UNC13C: variants seen among roughly 807,000 people sequenced by gnomAD.
The protein encoded by UNC13C is protein unc-13 homolog C.
Under a neutral mutation model 245.4 loss-of-function variants are expected in UNC13C, and 174 were observed. That is an observed-to-expected ratio of 0.71 (90% CI 0.63 to 0.80). The LOEUF (loss-of-function observed/expected upper bound fraction) is 0.80. Among genes scored for constraint, UNC13C ranks in the 30% least tolerant of loss-of-function variants. The probability of loss-of-function intolerance (pLI) is 0.00; values close to 1 mark genes in which losing one functional copy is unlikely to be tolerated. For missense variants in UNC13C, 2,829 were observed against 2,602.9 expected, an observed-to-expected ratio of 1.09 and a Z score of -1.89; for synonymous variants, 992 against 895.1, an observed-to-expected ratio of 1.11 and a Z score of -1.93.
chr15:54,036,560 C>T (rs17664583), intron 2 of UNC13C, among the ~76,000 whole-genome samples: 6,472 of 152,268 alleles, frequency 0.043, 266 homozygotes, highest in East Asian at 0.17. Context: ...ATTCACTCAG[C>T]TTTGATTTCC....
chr15:54,432,621 G>A (rs1044172139), intron 19 of UNC13C, among the ~76,000 whole-genome samples: 3 of 152,056 alleles, frequency 2.0e-5, no homozygotes, highest in African/African-American at 7.2e-5. Flanking sequence ...GAAATTTATA[G>A]CACTAAATGC....
intron 17 of UNC13C, among the ~76,000 whole-genome samples, chr15:54,384,233 G>A (rs746345581): frequency 5.9e-5 from 9 of 152,024 alleles, no homozygotes; most frequent in Non-Finnish European, 1.2e-4. Context: ...AAACCCGGAG[G>A]CATCATGCTA....
At chr15:53,887,049 GA>G in the UNC13C span, among the ~76,000 whole-genome samples, 1 of 152,166 alleles carries the variant, frequency 6.6e-6, no homozygotes, top group Non-Finnish European at 1.5e-5. Flanking sequence ...TCCTGGAACA[GA>G]AAAAGGACAC....
chr15:54,505,650 T>A (rs57405469), intron 22 of UNC13C, among the ~76,000 whole-genome samples: 5,178 of 114,090 alleles, frequency 0.045, 176 homozygotes, highest in Admixed American at 0.14. Flanking sequence ...CTTTGCACAC[T>A]CTCATTCAAG....
chr15:54,071,906 A>G (rs1472966685), intron 2 of UNC13C, among the ~76,000 whole-genome samples: 1 of 152,020 alleles, frequency 6.6e-6, no homozygotes, highest in Non-Finnish European at 1.5e-5. Context: ...GCTGGTCACG[A>G]TGTCTCTTGA....
the UNC13C span, among the ~76,000 whole-genome samples, chr15:53,946,442 C>CTTTTTT: frequency 2.9e-5 from 2 of 68,950 alleles, no homozygotes; most frequent in Non-Finnish European, 3.2e-5. Context: ...CTGAGGTGTT[C>CTTTTTT]TTTTTTTTGT....
intron 16 of UNC13C, among the ~76,000 whole-genome samples, chr15:54,334,736 C>T (rs1012174484): frequency 2.0e-5 from 3 of 152,118 alleles, no homozygotes; most frequent in Non-Finnish European, 2.9e-5. Flanking sequence ...TTCTAATCTA[C>T]TGTCAGTAGC....
intron 7 of UNC13C, among the ~76,000 whole-genome samples, chr15:54,248,123 A>G (rs191180297): frequency 0.011 from 1,714 of 152,344 alleles, 14 homozygotes; most frequent in Non-Finnish European, 0.02. Flanking sequence ...TATGTAAGGT[A>G]CATTACTTAC....
chr15:54,038,124 A>AAATTTTTTTTTTTTTTTTTTTTTTT (rs1555406259), intron 2 of UNC13C, among the ~76,000 whole-genome samples: 1 of 45,040 alleles, frequency 2.2e-5, no homozygotes, highest in African/African-American at 1.1e-4. Context: ...ATATATATAT[A>AAATTTTTTTTTTTTTTTTTTTTTTT]TTTTTTTTTT....
At chr15:54,042,209 T>C (rs933725137) in intron 2 of UNC13C, among the ~76,000 whole-genome samples, 9 of 152,084 alleles carry the variant, frequency 5.9e-5, no homozygotes, top group African/African-American at 2.2e-4. Context: ...CAGAATCAGG[T>C]TTTGGAGCCC....
At chr15:53,937,272 G>GA in the UNC13C span, among the ~76,000 whole-genome samples, 1 of 132,266 alleles carries the variant, frequency 7.6e-6, no homozygotes, top group Non-Finnish European at 1.7e-5. Context: ...GCCATGCAGA[G>GA]GAAAGAATAT....
At chr15:54,343,461 C>T (rs1222231103) in intron 17 of UNC13C, among the ~76,000 whole-genome samples, 1 of 152,144 alleles carries the variant, frequency 6.6e-6, no homozygotes, top group Non-Finnish European at 1.5e-5. Flanking sequence ...TCAATCTTAC[C>T]AGACTTTACC....
chr15:54,530,451 A>G (rs1293055897), intron 25 of UNC13C, among the ~76,000 whole-genome samples: 1 of 152,250 alleles, frequency 6.6e-6, no homozygotes, highest in Non-Finnish European at 1.5e-5. Flanking sequence ...ATGGGCATGC[A>G]GCACTAAACA....
chr15:54,268,669 A>T (rs2036608652), intron 10 of UNC13C, among the ~76,000 whole-genome samples: 1 of 152,060 alleles, frequency 6.6e-6, no homozygotes, highest in African/African-American at 2.4e-5. Context: ...ATTTCAGGCT[A>T]ATTATTCCCC....
intron 1 of UNC13C, among the ~76,000 whole-genome samples, chr15:54,008,978 A>G (rs1453337660): frequency 1.3e-5 from 2 of 152,196 alleles, no homozygotes; most frequent in Admixed American, 1.3e-4. Flanking sequence ...TAAGTTTCTG[A>G]AACATAACAG....
At chr15:54,002,327 CTG>C (rs1255702029) in intron 1 of UNC13C, among the ~76,000 whole-genome samples, 1 of 151,694 alleles carries the variant, frequency 6.6e-6, no homozygotes, top group African/African-American at 2.4e-5. Context: ...CAAATCCTAA[CTG>C]TATGTTTGAG....
the UNC13C span, among the ~76,000 whole-genome samples, chr15:53,925,611 T>G: frequency 1.3e-5 from 2 of 152,228 alleles, no homozygotes; most frequent in Non-Finnish European, 2.9e-5. Flanking sequence ...AAAGACAGAC[T>G]ATCTCTTTTG....
chr15:54,555,010 C>T (rs1427961938), intron 28 of UNC13C, among the ~76,000 whole-genome samples: 2 of 152,058 alleles, frequency 1.3e-5, no homozygotes, highest in East Asian at 1.9e-4. Context: ...AAAGTGGAGG[C>T]ATTATATTTA....
chr15:54,027,951 A>G (rs983924595), intron 2 of UNC13C, among the ~76,000 whole-genome samples: 1 of 152,218 alleles, frequency 6.6e-6, no homozygotes, highest in Non-Finnish European at 1.5e-5. Flanking sequence ...CCTTGAGCAC[A>G]TGTCAAACTT....
Sources: gnomAD v4.1 joint callset for allele counts (sites outside exome capture counted in the v4.1 genomes callset) on GRCh38, gnomAD v4.1.1 for gene constraint, MANE v1.5 for transcripts, NCBI Gene and HGNC (gene_info 2026-07-23, HGNC 2026-07-21) for gene names.